The following SYT6 variants were observed in gnomAD, a reference collection of about 807,000 sequenced individuals.
The protein encoded by SYT6 is synaptotagmin 6.
In SYT6, 24 loss-of-function variants were observed where a neutral mutation model predicts 38.4. The ratio of observed to expected loss-of-function variants is 0.62; its 90% confidence interval spans 0.45 to 0.88. SYT6 has a LOEUF of 0.88. SYT6 is among the 40% of genes least tolerant of loss of function. The probability of loss-of-function intolerance (pLI) is 0.00; values close to 1 mark genes in which losing one functional copy is unlikely to be tolerated. For missense variants in SYT6, 611 were observed against 621.0 expected (o/e 0.98, Z 0.17); for synonymous variants, 265 against 241.9 (o/e 1.10, Z -0.89).
chr1:114,152,740 C>T (rs896074106), intron 1 of SYT6: 3 of 152,170 alleles, frequency 2.0e-5, no homozygotes. Flanking sequence ...GGGTCCAGCC[C>T]GGCGGGGATC....
intron 3 of SYT6, among the ~76,000 whole-genome samples, chr1:114,111,266 G>T (rs964503883): frequency 1.3e-5 from 2 of 152,110 alleles, no homozygotes; most frequent in African/African-American, 4.8e-5. Flanking sequence ...GTGCTTATAC[G>T]TATGATGTCA....
intron 6 of SYT6, among the ~76,000 whole-genome samples, chr1:114,096,358 C>A (rs1196238196): frequency 6.6e-6 from 1 of 152,132 alleles, no homozygotes; most frequent in Non-Finnish European, 1.5e-5. Context: ...ATCAAGGCAC[C>A]CACAAGACAG....
chr1:114,127,067 C>G (rs1677786474), intron 3 of SYT6, among the ~76,000 whole-genome samples: 1 of 152,230 alleles, frequency 6.6e-6, no homozygotes, highest in African/African-American at 2.4e-5. Flanking sequence ...GCCAGCAGAG[C>G]TGAGTAGCTC....
In SYT6 at chr1:114,110,768, GA is replaced by G. The variant is rs1390250623; in HGVS notation, c.1072-7048del. 3.3e-5 allele frequency among the ~76,000 whole-genome samples: 5 copies of G among 152,200 alleles called. No homozygotes were observed. The East Asian group carries it at 9.7e-4, about 29-fold the overall frequency. On this transcript the variant is annotated intron_variant, in intron 3 of 7. Coordinates refer to ENST00000610222, the MANE Select transcript of SYT6 (RefSeq NM_001253772.2). ...TCCCTTCTGAGTGTCCCCAAACTCT[GA>G]GGCCCTCTCCTCCCATCCTCGCTGC...
At chr1:114,102,606 T>C (rs1022726766) in intron 4 of SYT6, among the ~76,000 whole-genome samples, 2 of 151,982 alleles carry the variant, frequency 1.3e-5, no homozygotes, top group Middle Eastern at 3.4e-3. Flanking sequence ...AAATAAAGAA[T>C]ACAAAGCAAA....
At chr1:114,105,494 AC>A (rs1212469030) in intron 3 of SYT6, among the ~76,000 whole-genome samples, 1 of 139,178 alleles carries the variant, frequency 7.2e-6, no homozygotes, top group Non-Finnish European at 1.5e-5. Context: ...GAAGGTGAAT[AC>A]CCCCAGCTTC....
intron 3 of SYT6, among the ~76,000 whole-genome samples, chr1:114,112,963 G>A (rs984764258): frequency 6.6e-6 from 1 of 152,206 alleles, no homozygotes; most frequent in African/African-American, 2.4e-5. Flanking sequence ...TTCCTGATGA[G>A]TCTCCTGGGG....
Position 114,120,006 on chromosome 1 carries a change from A to G in SYT6, c.1072-16285T>C, listed in dbSNP as rs941818985. Among the ~76,000 whole-genome samples the G allele has an allele frequency of 3.3e-5, 5 of 150,998 alleles. No individual in the cohort carries two copies. In the East Asian group the frequency reaches 7.8e-4, roughly 24 times the overall value. On this transcript the variant is annotated intron_variant, in intron 3 of 7. Transcript: ENST00000610222. ...GAACGGCCTGAACCTGGGAGGCGGA[A>G]CTTGCAGTGAGCCGAGATCGCACCA...
At chr1:114,112,245 C>T (rs370552949) in intron 3 of SYT6, among the ~76,000 whole-genome samples, 2 of 152,168 alleles carry the variant, frequency 1.3e-5, no homozygotes, top group Admixed American at 1.3e-4. Flanking sequence ...ACCCCCAAGC[C>T]GGTGTGGAGC....
chr1:114,097,534 C>A (rs1242430375), intron 6 of SYT6, among the ~76,000 whole-genome samples, 193 bp downstream of exon 6: 1 of 152,202 alleles, frequency 6.6e-6, no homozygotes, highest in Non-Finnish European at 1.5e-5. Context: ...TGCCCAACAC[C>A]AGGGGCTTTG....
chr1:114,124,717 T>C (rs1487859403), intron 3 of SYT6, among the ~76,000 whole-genome samples: 1 of 152,166 alleles, frequency 6.6e-6, no homozygotes, highest in East Asian at 1.9e-4. Flanking sequence ...GAAGGGACTA[T>C]GATCATATAT....
chr1:114,089,425 G>C lies in SYT6; in HGVS notation c.*2709C>G, dbSNP rs1037382243. ...ATTAACGTCCTGGGTAAGCGCAGAG[G>C]GGGAGGAGGGCGTCTTTCAGCCCGG... On this transcript the variant is annotated 3_prime_UTR_variant, in exon 8 of 8. Transcript: ENST00000610222. 1 of 152,690 alleles carries C rather than the reference G, an allele frequency of 6.5e-6. No homozygotes were observed. The highest frequency in any genetic ancestry group is 1.5e-5 in the Non-Finnish European group (1 of 68,042). The allele number at this position is 152,690 out of a possible 1,614,324, so 9.5% of individuals were successfully genotyped here. A position where few individuals can be genotyped will look rare whatever the true frequency, so the allele number is the denominator to read the frequency against.
At chr1:114,150,054 C>A (rs1162091427) in intron 1 of SYT6, among the ~76,000 whole-genome samples, 1 of 152,108 alleles carries the variant, frequency 6.6e-6, no homozygotes, top group African/African-American at 2.4e-5. Context: ...GCATGCTTTC[C>A]CCACTCCAGA....
Position 114,146,885 on chromosome 1 carries a change from AG to A in SYT6, c.163+6724del, listed in dbSNP as rs368858989. ...GGGGGTAATAATAGTATCTACCTTTAGGGTCATTGTGAGGTTTAAATGAGAC... is the reference window on the plus strand; with the variant it reads ...GGGGGTAATAATAGTATCTACCTTTAGGTCATTGTGAGGTTTAAATGAGAC... On this transcript the variant is annotated intron_variant, in intron 1 of 7. Transcript: ENST00000610222. Among the ~76,000 whole-genome samples, 50 of 152,330 alleles carry A rather than the reference AG, an allele frequency of 3.3e-4. 2 individuals are homozygous for A. In the East Asian group the frequency reaches 3.9e-3, roughly 12 times the overall value.
At position 114,153,622 on chromosome 1, in the gene SYT6, C is replaced by A; in HGVS notation, c.151G>T (p.Ala51Ser). 1.7e-6 allele frequency: 1 copy of A among 603,280 alleles called. No individual in the cohort carries two copies. Among genetic ancestry groups the A allele is most frequent in the Non-Finnish European group, 3.0e-6 (1 of 336,366 alleles). 37.4% of individuals were successfully genotyped at this position (603,280 alleles called of 1,614,324 possible). ...GGTCTCCCGTTACCTGCGCCTGCCG[C>A]GCTGGGACTCCGCTCTGGGGGCTGC... ...ELQPPERSPS[A>S]AGAGTSVSLL... is the part of the protein sequence containing the mutation. The change falls in exon 1 of 8, where the codon GCG (alanine) becomes TCG (serine). Residue 51 changes from alanine to serine, a missense_variant. By Grantham distance (99) the Ala-to-Ser change is moderately conservative. Coordinates refer to ENST00000610222, the MANE Select transcript of SYT6 (RefSeq NM_001253772.2).
chr1:114,142,682 C>T (rs1244640262), intron 1 of SYT6, among the ~76,000 whole-genome samples: 2 of 152,152 alleles, frequency 1.3e-5, no homozygotes, highest in Non-Finnish European at 1.5e-5. Flanking sequence ...ACGCAGCAAA[C>T]TCACCGTTGT....
chr1:114,134,455 AAATAC>A (rs1325938946), intron 3 of SYT6, among the ~76,000 whole-genome samples: 10 of 152,254 alleles, frequency 6.6e-5, no homozygotes, highest in Non-Finnish European at 1.3e-4. Context: ...CCCTGAGGGA[AAATAC>A]AAGAGAAAGT....
At position 114,097,802 on chromosome 1, in the gene SYT6, G is replaced by A. The variant is rs556527664; in HGVS notation, c.1440C>T (p.Asn480=). 2.1e-5 allele frequency: 34 copies of A among 1,614,112 alleles called. 1 individual carries two copies. Among genetic ancestry groups the A allele is most frequent in the East Asian group, 1.8e-4 (8 of 44,872 alleles). ...GCTTCCGGGGGTATGCCAGCATCTCGTTCCAGTGGTCCCTGCCCAGGCCTT... is the reference window on the plus strand; with the variant it reads ...GCTTCCGGGGGTATGCCAGCATCTCATTCCAGTGGTCCCTGCCCAGGCCTT... ...TAEGLGRDHW[N]EMLAYPRKPI... is the part of the protein sequence containing the mutation. Residue 480 remains asparagine, a synonymous_variant, in exon 6 of 8, where the codon AAC becomes AAT. Coordinates refer to ENST00000610222, the MANE Select transcript of SYT6 (RefSeq NM_001253772.2).
In SYT6 at chr1:114,089,847, T is replaced by C. The variant is rs1239021407; in HGVS notation, c.*2287A>G. ...GTGGTGTGGGGCTGGCTAGAATCTG[T>C]TCAGGACATGATTTTCTGAAACCAC... On this transcript the variant is annotated 3_prime_UTR_variant, in exon 8 of 8. Coordinates refer to ENST00000610222, the MANE Select transcript of SYT6 (RefSeq NM_001253772.2). 6.6e-6 allele frequency: 1 copy of C among 152,402 alleles called. No individual in the cohort carries two copies. The highest frequency in any genetic ancestry group is 1.5e-5 in the Non-Finnish European group (1 of 68,090). The allele number at this position is 152,402 out of a possible 1,614,324, so 9.4% of individuals were successfully genotyped here. A position where few individuals can be genotyped will look rare whatever the true frequency, so the allele number is the denominator to read the frequency against.
Sources: gnomAD v4.1 joint callset for allele counts (sites outside exome capture counted in the v4.1 genomes callset) on GRCh38, gnomAD v4.1.1 for gene constraint, MANE v1.5 for transcripts, NCBI Gene and HGNC (gene_info 2026-07-23, HGNC 2026-07-21) for gene names.